Variants in GSE1 observed in about 807,000 individuals in gnomAD.
The protein encoded by GSE1 is Gse1 coiled-coil protein.
Under a neutral mutation model 112.6 loss-of-function variants are expected in GSE1, and 32 were observed. The ratio of observed to expected loss-of-function variants is 0.28; its 90% CI spans 0.21 to 0.38. GSE1 has a LOEUF of 0.38. Ranked by LOEUF, GSE1 falls within the 10% of genes least tolerant of loss-of-function variation. GSE1 has a pLI of 1.00. For missense variants in GSE1, 2,348 were observed against 1,699.2 expected (o/e 1.38, Z -6.71); for synonymous variants, 1,115 against 735.6 (o/e 1.52, Z -8.35).
chr16:85,652,278 C>A (rs555949864), intron 3 of GSE1, among the ~76,000 whole-genome samples: 1 of 152,252 alleles, frequency 6.6e-6, no homozygotes, highest in Non-Finnish European at 1.5e-5. Context: ...GGCCAGGTCT[C>A]CCAAGGTCAG....
chr16:85,212,993 G>A (rs1033910748), intron 1 of GSE1, among the ~76,000 whole-genome samples: 2 of 152,038 alleles, frequency 1.3e-5, no homozygotes, highest in Non-Finnish European at 2.9e-5. Context: ...CCAGGCTGCC[G>A]GATGTGGTGG....
rs1394112725 is a variant in GSE1 at position 85,220,540 on chromosome 16, A to G, written c.2283+48733A>G. Reference sequence around the variant, plus strand: ...GGGGCAGCTGTGCCAAAAATTTTTCAATGACTTTGGTCGTCAAACCACCTC... The same window carrying G: ...GGGGCAGCTGTGCCAAAAATTTTTCGATGACTTTGGTCGTCAAACCACCTC... On this transcript the variant is annotated intron_variant, in intron 1 of 2. Coordinates refer to the GSE1 transcript ENST00000637419. Among the ~76,000 whole-genome samples, 5 of 152,192 alleles carry G rather than the reference A, an allele frequency of 3.3e-5. No homozygotes were observed. The East Asian group carries it at 9.6e-4, about 29-fold the overall frequency.
chr16:85,424,538 G>T (rs1020420786), intron 2 of GSE1, among the ~76,000 whole-genome samples: 4 of 152,212 alleles, frequency 2.6e-5, no homozygotes, highest in Admixed American at 2.0e-4. Context: ...CATGTGCAAG[G>T]CTGCCCCTGA....
upstream of GSE1, among the ~76,000 whole-genome samples, chr16:85,554,345 A>C (rs1460096339): frequency 2.6e-5 from 4 of 151,982 alleles, no homozygotes; most frequent in Non-Finnish European, 4.4e-5. Flanking sequence ...CAGGCTCCAC[A>C]CTCACACTCT....
At chr16:85,396,628 G>A (rs1042746420) in intron 2 of GSE1, among the ~76,000 whole-genome samples, 3 of 152,228 alleles carry the variant, frequency 2.0e-5, no homozygotes, top group Non-Finnish European at 4.4e-5. Flanking sequence ...CCTCCGATTG[G>A]GAGCAGGATT....
intron 2 of GSE1, among the ~76,000 whole-genome samples, chr16:85,366,178 G>T (rs887264511): frequency 1.7e-4 from 26 of 152,402 alleles, no homozygotes; most frequent in South Asian, 1.0e-3. Context: ...GGTAAGCCTT[G>T]CCTGTAGCGG....
rs1246208124 is a variant in GSE1, at chr16:85,655,764, C to T, written c.836C>T (p.Pro279Leu). 8 of 1,609,516 alleles carry T rather than the reference C, an allele frequency of 5.0e-6. No individual in the cohort carries two copies. The highest frequency in any genetic ancestry group is 3.3e-5 in the Admixed American group (2 of 59,770). Residue 279 changes from proline (P) to leucine (L), a missense_variant, in exon 6 of 16, where the codon CCG becomes CTG. Transcript: ENST00000253458. ...TACTGCCTGTCTGCCCTGAGGTCCCCGTTCTACCCCATCCCCACCCCCGGC... is the reference window on the plus strand; with the variant it reads ...TACTGCCTGTCTGCCCTGAGGTCCCTGTTCTACCCCATCCCCACCCCCGGC... ...DSYCLSALRS[P>L]FYPIPTPGSL...
intron 2 of GSE1, among the ~76,000 whole-genome samples, chr16:85,423,123 C>G (rs1220698776): frequency 2.0e-5 from 3 of 152,214 alleles, no homozygotes; most frequent in African/African-American, 7.2e-5. Context: ...GGAACCAGAT[C>G]CTCATCATTT....
intron 1 of GSE1, among the ~76,000 whole-genome samples, chr16:85,279,722 T>C (rs560960832): frequency 6.6e-6 from 1 of 152,278 alleles, no homozygotes; most frequent in South Asian, 2.1e-4. Context: ...CCTGAGCACC[T>C]GAGCCCGTAA....
chr16:85,175,786 T>G (rs1029898338), intron 1 of GSE1, among the ~76,000 whole-genome samples: 5 of 152,196 alleles, frequency 3.3e-5, no homozygotes, highest in African/African-American at 1.2e-4. Flanking sequence ...ACACTTCACC[T>G]GTATTCACAC....
At chr16:85,653,598 C>G (rs1044550079) in intron 3 of GSE1, among the ~76,000 whole-genome samples, 3 of 151,888 alleles carry the variant, frequency 2.0e-5, no homozygotes, top group African/African-American at 4.8e-5. Context: ...GACAGGCGAG[C>G]TGTTGCCTTC....
chr16:85,675,155 CTTAAG>C lies in GSE1; in HGVS notation c.*2619_*2623del, dbSNP rs1567785294. Reference sequence around the variant, plus strand: ...GGGCTTAAAAATTGACATGCAATCTCTTAAGTTTTTTGTTCAGCTACTTCACACTG... The same window carrying C: ...GGGCTTAAAAATTGACATGCAATCTCTTTTTTGTTCAGCTACTTCACACTG... On this transcript the variant is annotated 3_prime_UTR_variant, in exon 16 of 16. Coordinates refer to ENST00000253458, the MANE Select transcript of GSE1 (RefSeq NM_014615.5). 7.2e-6 allele frequency: 1 copy of C among 139,004 alleles called. No homozygotes were observed. Among genetic ancestry groups the C allele is most frequent in the African/African-American group, 2.6e-5 (1 of 39,170 alleles). The allele number at this position is 139,004 out of a possible 1,614,324, so 8.6% of individuals were successfully genotyped here. A position where few individuals can be genotyped will look rare whatever the true frequency, so the allele number is the denominator to read the frequency against.
intron 1 of GSE1, among the ~76,000 whole-genome samples, chr16:85,180,617 G>A (rs983482516): frequency 1.3e-5 from 2 of 152,208 alleles, no homozygotes; most frequent in African/African-American, 4.8e-5. Context: ...TGTTTTTATA[G>A]ACAAGGCAAT....
At chr16:85,519,662 T>C (rs914829706) in intron 2 of GSE1, among the ~76,000 whole-genome samples, 5 of 143,712 alleles carry the variant, frequency 3.5e-5, no homozygotes, top group African/African-American at 5.2e-5. Flanking sequence ...TTCACCACCA[T>C]CACCACAGTC....
chr16:85,613,493 C>T, intron 1 of GSE1, 95 bp downstream of exon 1: 1 of 1,159,702 alleles, frequency 8.6e-7, no homozygotes, highest in South Asian at 1.5e-5. Context: ...GGGGCGGCCG[C>T]CAACGGCTCC....
chr16:85,337,722 G>A (rs945806813), intron 1 of GSE1, among the ~76,000 whole-genome samples: 81 of 152,224 alleles, frequency 5.3e-4, no homozygotes, highest in African/African-American at 5.5e-4. Context: ...GGCCAGGGCC[G>A]GGCTTCTCTC....
At chr16:85,290,784 G>A (rs2045186566) in intron 1 of GSE1, among the ~76,000 whole-genome samples, 1 of 151,586 alleles carries the variant, frequency 6.6e-6, no homozygotes, top group Admixed American at 6.6e-5. Context: ...TTGTCATGCT[G>A]ACCAGATGGC....
chr16:85,438,683 T>A (rs1056549971), intron 2 of GSE1, among the ~76,000 whole-genome samples: 5 of 152,314 alleles, frequency 3.3e-5, no homozygotes, highest in Admixed American at 3.3e-4. Context: ...TGGGCCTCTG[T>A]TTTTTGAATG....
chr16:85,489,513 A>G (rs960026864), intron 2 of GSE1, among the ~76,000 whole-genome samples: 8 of 152,016 alleles, frequency 5.3e-5, no homozygotes, highest in African/African-American at 1.9e-4. Context: ...CTGTGCAGCC[A>G]TCGGACCCAG....
Sources: gnomAD v4.1 joint callset for allele counts (sites outside exome capture counted in the v4.1 genomes callset) on GRCh38, gnomAD v4.1.1 for gene constraint, MANE v1.5 for transcripts, NCBI Gene and HGNC (gene_info 2026-07-23, HGNC 2026-07-21) for gene names.